Variants in SGCZ observed in about 807,000 individuals in gnomAD.
SGCZ encodes the protein sarcoglycan zeta.
A neutral mutation model predicts 41.3 loss-of-function variants in SGCZ; 40 were observed. That is an observed-to-expected ratio of 0.97 (90% CI 0.75 to 1.26). SGCZ has a LOEUF of 1.26. Ranked by LOEUF, SGCZ falls within the 50% of genes most tolerant of loss-of-function variation. The pLI, the probability that SGCZ is intolerant of heterozygous loss-of-function variation, is 0.00. For synonymous variants in SGCZ, 206 were observed against 137.5 expected (o/e 1.50, Z -3.49); for missense variants, 552 against 369.8 (o/e 1.49, Z -4.04).
intron 2 of SGCZ, among the ~76,000 whole-genome samples, chr8:14,329,602 C>T (rs1411362358): frequency 6.8e-6 from 1 of 146,254 alleles, no homozygotes; most frequent in African/African-American, 2.6e-5. Context: ...TGCTCAAAAG[C>T]CCAAAGTGTC....
At chr8:14,703,257 C>G (rs1355799124) in intron 1 of SGCZ, among the ~76,000 whole-genome samples, 1 of 151,784 alleles carries the variant, frequency 6.6e-6, no homozygotes, top group East Asian at 1.9e-4. Flanking sequence ...CATCTCTTAC[C>G]GTCAACCCCT....
At chr8:14,920,930 T>C (rs1474649776) in intron 1 of SGCZ, among the ~76,000 whole-genome samples, 2 of 152,206 alleles carry the variant, frequency 1.3e-5, no homozygotes, top group African/African-American at 2.4e-5. Flanking sequence ...GCCATCAGCA[T>C]AGTGGCTTCT....
chr8:14,522,966 A>T (rs539490350), intron 2 of SGCZ, among the ~76,000 whole-genome samples: 24 of 151,816 alleles, frequency 1.6e-4, no homozygotes, highest in African/African-American at 5.5e-4. Flanking sequence ...TTTTTAGTGC[A>T]TCTCTTTGTA....
intron 2 of SGCZ, among the ~76,000 whole-genome samples, chr8:14,343,273 G>A (rs181131078): frequency 0.011 from 1,687 of 152,284 alleles, 27 homozygotes; most frequent in African/African-American, 0.037. Context: ...TTCCTACTGG[G>A]GCACTGCCTA....
At chr8:14,573,860 G>T (rs967879467) in intron 1 of SGCZ, among the ~76,000 whole-genome samples, 1 of 152,078 alleles carries the variant, frequency 6.6e-6, no homozygotes, top group South Asian at 2.1e-4. Context: ...TTTCTGATTA[G>T]ACCATGAAAA....
intron 1 of SGCZ, among the ~76,000 whole-genome samples, chr8:14,586,763 C>T (rs762996580): frequency 2.0e-5 from 3 of 152,014 alleles, no homozygotes; most frequent in South Asian, 2.1e-4. Context: ...GAAATATCTA[C>T]GTTTTAAGCA....
chr8:15,161,695 A>G (rs1258759703), intron 1 of SGCZ, among the ~76,000 whole-genome samples: 1 of 152,228 alleles, frequency 6.6e-6, no homozygotes, highest in Non-Finnish European at 1.5e-5. Flanking sequence ...CATGTTACTC[A>G]TTTAACAAAA....
chr8:14,642,126 A>G (rs1324926049), intron 1 of SGCZ, among the ~76,000 whole-genome samples: 1 of 151,724 alleles, frequency 6.6e-6, no homozygotes. Context: ...GAGCACAGCC[A>G]TACAGGCCAG....
At chr8:14,409,560 T>C (rs1341063619) in intron 2 of SGCZ, among the ~76,000 whole-genome samples, 1 of 151,930 alleles carries the variant, frequency 6.6e-6, no homozygotes, top group Non-Finnish European at 1.5e-5. Flanking sequence ...ACAGGGAGAG[T>C]TGTCTTTTAC....
chr8:14,489,786 C>T (rs889374209), intron 2 of SGCZ, among the ~76,000 whole-genome samples: 8 of 151,856 alleles, frequency 5.3e-5, no homozygotes, highest in Non-Finnish European at 1.0e-4. Context: ...TTAATAAACA[C>T]ATCTGGCCTA....
In SGCZ at chr8:15,211,076, GATAGAT is replaced by G. The variant is rs906893875; in HGVS notation, c.39+26503_39+26508del. ...AGATATAGATATACATAGATATATA[GATAGAT>G]ATAGATATAGATATATATAGCTATA... On this transcript the variant is annotated intron_variant, in intron 1 of 7. Coordinates refer to ENST00000382080, the MANE Select transcript of SGCZ (RefSeq NM_139167.4). 4.1e-4 allele frequency among the ~76,000 whole-genome samples: 62 copies of G among 149,810 alleles called. No homozygotes were observed. The South Asian group carries it at 4.4e-3, about 11-fold the overall frequency.
chr8:14,663,212 C>T (rs185714537), intron 1 of SGCZ, among the ~76,000 whole-genome samples: 1 of 152,142 alleles, frequency 6.6e-6, no homozygotes, highest in Non-Finnish European at 1.5e-5. Context: ...GACAATTGTA[C>T]CTACCCCTTG....
At chr8:14,580,362 G>A (rs1451249982) in intron 1 of SGCZ, among the ~76,000 whole-genome samples, 1 of 152,082 alleles carries the variant, frequency 6.6e-6, no homozygotes, top group Non-Finnish European at 1.5e-5. Flanking sequence ...CATTTTTGAA[G>A]TTTAAAAAAT....
intron 1 of SGCZ, among the ~76,000 whole-genome samples, chr8:15,204,002 G>T (rs1271219412): frequency 2.0e-5 from 3 of 151,926 alleles, no homozygotes; most frequent in Non-Finnish European, 2.9e-5. Context: ...TCATATTATT[G>T]CTTTATCTTT....
chr8:15,217,801 G>A (rs268335), intron 1 of SGCZ, among the ~76,000 whole-genome samples: 127,703 of 152,210 alleles, frequency 0.84, 54,329 homozygotes, highest in Non-Finnish European at 0.91. Context: ...AAGAAACTAG[G>A]GCTCTGGCTG....
At chr8:14,904,583 C>A (rs879269185) in intron 1 of SGCZ, among the ~76,000 whole-genome samples, 1 of 151,860 alleles carries the variant, frequency 6.6e-6, no homozygotes, top group South Asian at 2.1e-4. Flanking sequence ...AAATGGTATT[C>A]ATATCCAAAT....
chr8:14,542,112 C>T (rs1175308641), intron 2 of SGCZ, among the ~76,000 whole-genome samples: 3 of 152,076 alleles, frequency 2.0e-5, no homozygotes, highest in Non-Finnish European at 4.4e-5. Flanking sequence ...TTTTCTTTTG[C>T]TGAGCAGAAG....
In SGCZ at chr8:15,237,567, G is replaced by C; in HGVS notation, c.39+18C>G. On this transcript the variant is annotated intron_variant, in intron 1 of 7. Coordinates refer to ENST00000382080, the MANE Select transcript of SGCZ (RefSeq NM_139167.4). Reference sequence around the variant, plus strand: ...GCGCCGAGAAGCGGCCGCGAAGCCCGCCCGGACCCGCACGTACCTTGAGCT... The same window carrying C: ...GCGCCGAGAAGCGGCCGCGAAGCCCCCCCGGACCCGCACGTACCTTGAGCT... 6.3e-7 allele frequency: 1 copy of C among 1,585,436 alleles called. No individual in the cohort carries two copies. The highest frequency in any genetic ancestry group is 8.6e-7 in the Non-Finnish European group (1 of 1,163,862).
chr8:14,258,956 C>T (rs1799557947), intron 3 of SGCZ, among the ~76,000 whole-genome samples: 1 of 152,122 alleles, frequency 6.6e-6, no homozygotes, highest in Admixed American at 6.6e-5. Flanking sequence ...AGGTTTATAA[C>T]CTTAGAAAAC....
Sources: allele counts gnomAD v4.1 joint callset (sites outside exome capture counted in the v4.1 genomes callset), GRCh38; gene constraint gnomAD v4.1.1; transcripts MANE v1.5; gene names NCBI Gene and HGNC (gene_info 2026-07-23, HGNC 2026-07-21).